Variants in WWC1 observed in about 807,000 individuals in gnomAD.
WWC1 encodes protein KIBRA.
In WWC1, 55 loss-of-function variants were observed where a neutral mutation model predicts 138.4. The observed-to-expected ratio is 0.40, with a 90% CI of 0.32 to 0.50. The LOEUF (loss-of-function observed/expected upper bound fraction) is 0.50. WWC1 is among the 20% of genes least tolerant of loss of function. WWC1 has a pLI of 0.72. For synonymous variants in WWC1, 524 were observed against 564.9 expected, an observed-to-expected ratio of 0.93 and a Z score of 1.03; for missense variants, 1,226 against 1,420.4, an observed-to-expected ratio of 0.86 and a Z score of 2.20.
chr5:168,310,531 C>A (rs940711092), intron 1 of WWC1, among the ~76,000 whole-genome samples: 1 of 151,560 alleles, frequency 6.6e-6, no homozygotes, highest in Non-Finnish European at 1.5e-5. Flanking sequence ...CAAACAAACA[C>A]CATTTAAGAG....
Position 168,423,801 on chromosome 5 carries a change from G to A in WWC1, c.1543G>A (p.Gly515Ser), listed in dbSNP as rs936092422. The A allele has an allele frequency of 3.1e-6, 5 of 1,614,182 alleles. No homozygotes were observed. The highest frequency in any genetic ancestry group is 4.2e-6 in the Non-Finnish European group (5 of 1,180,036). ...EVAKTQKAEG[G>S]GRLQALRSLS... ...GGCCAAGACCCAGAAGGCAGAGGGA[G>A]GTGGCCGCCTGCAGGCTCTGCGTTC... The change falls in exon 11 of 23, where the codon GGT becomes AGT. Residue 515 changes from glycine (G) to serine (S), a missense_variant. Around this residue, in one of 3 missense-constraint regions of WWC1, gnomAD observed 1,016 missense variants for 1,153.9 expected, o/e 0.88. Transcript: ENST00000265293.
intron 1 of WWC1, among the ~76,000 whole-genome samples, chr5:168,313,324 C>T (rs1190848343): frequency 1.3e-5 from 2 of 152,100 alleles, no homozygotes; most frequent in African/African-American, 2.4e-5. Context: ...GGGCACAGTG[C>T]TCATGCCTGT....
chr5:168,357,257 G>C (rs894533960), intron 1 of WWC1, among the ~76,000 whole-genome samples: 2 of 151,570 alleles, frequency 1.3e-5, no homozygotes, highest in African/African-American at 4.8e-5. Context: ...GGTTACAACT[G>C]TTAATAAGAT....
chr5:168,449,907 T>C (rs1316908690), intron 17 of WWC1, among the ~76,000 whole-genome samples: 1 of 152,214 alleles, frequency 6.6e-6, no homozygotes. Context: ...GAGAGGCTGC[T>C]GGGGCCAAGG....
chr5:168,441,237 T>C (rs985095220), intron 15 of WWC1, among the ~76,000 whole-genome samples: 1 of 151,938 alleles, frequency 6.6e-6, no homozygotes, highest in Non-Finnish European at 1.5e-5. Context: ...AAACAGAAAA[T>C]ATAGTGGTGG....
chr5:168,461,819 G>A (rs1756837957), intron 20 of WWC1, among the ~76,000 whole-genome samples: 1 of 152,162 alleles, frequency 6.6e-6, no homozygotes, highest in Non-Finnish European at 1.5e-5. Context: ...CAGCACTTTG[G>A]GAGGCCGAGG....
intron 8 of WWC1, among the ~76,000 whole-genome samples, chr5:168,412,734 A>T (rs539478632): frequency 5.3e-5 from 8 of 151,828 alleles, no homozygotes; most frequent in East Asian, 2.0e-4. Context: ...AAAAAAAATT[A>T]AAAAACAATA....
intron 17 of WWC1, among the ~76,000 whole-genome samples, chr5:168,448,672 G>T (rs1235227799): frequency 6.9e-6 from 1 of 145,122 alleles, no homozygotes; most frequent in Non-Finnish European, 1.5e-5. Context: ...AGGCTGGAGT[G>T]CAGTGGCACG....
At chr5:168,468,767 T>TGACAA (rs1757513481) in intron 22 of WWC1, among the ~76,000 whole-genome samples, 184 bp from the exon 23 acceptor site, 1 of 152,150 alleles carries the variant, frequency 6.6e-6, no homozygotes, top group Non-Finnish European at 1.5e-5. Context: ...AGCTTACGTT[T>TGACAA]TGGGTTGTCA....
At chr5:168,393,739 A>C (rs1220601225) in intron 3 of WWC1, among the ~76,000 whole-genome samples, 1 of 152,202 alleles carries the variant, frequency 6.6e-6, no homozygotes, top group Non-Finnish European at 1.5e-5. Context: ...CCAGCCGAAC[A>C]CAGAGAGCAG....
At chr5:168,363,142 A>G (rs1240828890) in intron 1 of WWC1, among the ~76,000 whole-genome samples, 1 of 152,198 alleles carries the variant, frequency 6.6e-6, no homozygotes, top group Non-Finnish European at 1.5e-5. Flanking sequence ...AATTCCAGGT[A>G]TAAATGCCTC....
chr5:168,296,438 C>G (rs1769545086), intron 1 of WWC1, among the ~76,000 whole-genome samples: 1 of 152,198 alleles, frequency 6.6e-6, no homozygotes, highest in South Asian at 2.1e-4. Flanking sequence ...GTCTAAACCT[C>G]TGTCAGGTCA....
At chr5:168,461,158 A>G (rs967618312) in intron 20 of WWC1, among the ~76,000 whole-genome samples, 4 of 151,980 alleles carry the variant, frequency 2.6e-5, no homozygotes, top group African/African-American at 7.2e-5. Flanking sequence ...GTGAAACCCC[A>G]TCTCTACTAA....
intron 1 of WWC1, among the ~76,000 whole-genome samples, chr5:168,355,489 C>A (rs570451965): frequency 1.6e-5 from 2 of 124,616 alleles, no homozygotes; most frequent in African/African-American, 3.2e-5. Context: ...AGTGAGACTC[C>A]GTCTCAAAAA....
At chr5:168,439,802 T>G (rs1476074447) in intron 15 of WWC1, among the ~76,000 whole-genome samples, 1 of 152,210 alleles carries the variant, frequency 6.6e-6, no homozygotes, top group Non-Finnish European at 1.5e-5. Flanking sequence ...TTGCTAGATA[T>G]GACTAAATTC....
At chr5:168,309,180 C>T (rs1770831549) in intron 1 of WWC1, among the ~76,000 whole-genome samples, 1 of 152,138 alleles carries the variant, frequency 6.6e-6, no homozygotes, top group Non-Finnish European at 1.5e-5. Flanking sequence ...GGGCATTTTG[C>T]ACTCTTCTCC....
At chr5:168,434,098 C>A (rs1266530735) in intron 15 of WWC1, among the ~76,000 whole-genome samples, 1 of 152,224 alleles carries the variant, frequency 6.6e-6, no homozygotes, top group Non-Finnish European at 1.5e-5. Flanking sequence ...GCTCCTCCAG[C>A]GAAGCATTCC....
At chr5:168,329,613 T>C (rs1399922956) in intron 1 of WWC1, among the ~76,000 whole-genome samples, 1 of 152,212 alleles carries the variant, frequency 6.6e-6, no homozygotes, top group Non-Finnish European at 1.5e-5. Context: ...GCCATGCTAA[T>C]GAACCTGGAG....
chr5:168,337,590 C>T (rs1262493836), intron 1 of WWC1, among the ~76,000 whole-genome samples: 1 of 152,238 alleles, frequency 6.6e-6, no homozygotes, highest in Non-Finnish European at 1.5e-5. Flanking sequence ...ATATGTTAAG[C>T]ATCCATCAGG....
Sources: gnomAD v4.1 joint callset for allele counts (sites outside exome capture counted in the v4.1 genomes callset) on GRCh38, gnomAD v4.1.1 for gene constraint, gnomAD v4.1.1 regional missense constraint, MANE v1.5 for transcripts, NCBI Gene and HGNC (gene_info 2026-07-23, HGNC 2026-07-21) for gene names.